The following KANK1 variants were observed in gnomAD, a reference collection of about 807,000 sequenced individuals.
KANK1 encodes the protein KN motif and ankyrin repeat domain-containing protein 1.
A neutral mutation model predicts 106.2 loss-of-function variants in KANK1; 109 were observed. The observed-to-expected ratio is 1.03, with a 90% CI of 0.88 to 1.20. The LOEUF (loss-of-function observed/expected upper bound fraction) is 1.20, where lower values mean the gene tolerates loss of function less well. KANK1 is among the 50% of genes most tolerant of loss of function. The pLI is 0.00. For synonymous variants in KANK1, 873 were observed against 652.2 expected (o/e 1.34, Z -5.16); for missense variants, 2,399 against 1,710.7 (o/e 1.40, Z -7.10).
chr9:668,841 T>C (rs1344151845), intron 1 of KANK1, among the ~76,000 whole-genome samples: 1 of 152,120 alleles, frequency 6.6e-6, no homozygotes, highest in East Asian at 1.9e-4. Flanking sequence ...CCTCAGATCA[T>C]CAGGCATTAG....
intron 2 of KANK1, among the ~76,000 whole-genome samples, chr9:679,436 A>G (rs1292361514): frequency 6.6e-6 from 1 of 152,050 alleles, no homozygotes. Flanking sequence ...TTTTTTTGAG[A>G]TGGAGTCTTG....
At chr9:530,336 T>C (rs2060000381) in intron 1 of KANK1, among the ~76,000 whole-genome samples, 1 of 152,220 alleles carries the variant, frequency 6.6e-6, no homozygotes, top group Non-Finnish European at 1.5e-5. Context: ...AGGGTTTCTT[T>C]TGGTACTTTT....
chr9:615,188 G>A lies in KANK1; in HGVS notation c.-83-61702G>A, dbSNP rs949207084. On this transcript the variant is annotated intron_variant, in intron 1 of 11. Coordinates refer to ENST00000382297, the MANE Select transcript of KANK1 (RefSeq NM_015158.5). ...GGCCTCAAGCAAGTCCTCCTGCATT[G>A]GCCTTCCAAAGTGCTGGGATTATAG... 2.6e-5 allele frequency among the ~76,000 whole-genome samples: 4 copies of A among 152,108 alleles called. No homozygotes were observed. The East Asian group carries it at 5.8e-4, about 22-fold the overall frequency.
At position 712,000 on chromosome 9, in the gene KANK1, A is replaced by T; in HGVS notation, c.1234A>T (p.Ile412Phe). The T allele has an allele frequency of 6.2e-7, 1 of 1,614,198 alleles. No homozygotes were observed. Among genetic ancestry groups the T allele is most frequent in the Non-Finnish European group, 8.5e-7 (1 of 1,180,026 alleles). Residue 412 changes from isoleucine (I) to phenylalanine (F), a missense_variant, in exon 3 of 12, where the codon ATC (isoleucine) becomes TTC (phenylalanine). Coordinates refer to ENST00000382297, the MANE Select transcript of KANK1 (RefSeq NM_015158.5). ...GGGTGCCGAGGAGAACATGAACGACATCGTCGTGTACCACAGAGGCTCCAG... is the reference window on the plus strand; with the variant it reads ...GGGTGCCGAGGAGAACATGAACGACTTCGTCGTGTACCACAGAGGCTCCAG... The part of the protein sequence containing the change: ...AVGAEENMND[I>F]VVYHRGSRSC...
chr9:733,401 T>C (rs1832840255), intron 6 of KANK1: 1 of 152,274 alleles, frequency 6.6e-6, no homozygotes, highest in Non-Finnish European at 1.5e-5. Context: ...GTGTTTCACA[T>C]GGCTTTTTAA....
intron 1 of KANK1, among the ~76,000 whole-genome samples, chr9:600,057 A>C (rs1228098461): frequency 6.6e-6 from 1 of 151,884 alleles, no homozygotes; most frequent in Non-Finnish European, 1.5e-5. Flanking sequence ...GTTAGGCATA[A>C]CACATAATTT....
At chr9:482,127 A>G (rs116255338) in intron 3 of KANK1, among the ~76,000 whole-genome samples, 2,241 of 152,274 alleles carry the variant, frequency 0.015, 46 homozygotes, top group African/African-American at 0.05. Flanking sequence ...ACCTGCAGTC[A>G]GAGCCCTTAG....
intron 2 of KANK1, among the ~76,000 whole-genome samples, chr9:704,571 C>A (rs544716762): frequency 6.6e-5 from 10 of 152,156 alleles, no homozygotes; most frequent in Non-Finnish European, 1.0e-4. Context: ...TAAAGAACAT[C>A]AAGCTGTCTT....
At chr9:523,536 A>T (rs1281949610) in intron 1 of KANK1, among the ~76,000 whole-genome samples, 1 of 151,674 alleles carries the variant, frequency 6.6e-6, no homozygotes, top group Admixed American at 6.6e-5. Context: ...CCTTGTTTCT[A>T]TGGGAGGAAA....
intron 1 of KANK1, among the ~76,000 whole-genome samples, chr9:575,593 C>T (rs1030442578): frequency 2.0e-5 from 3 of 151,902 alleles, no homozygotes; most frequent in Non-Finnish European, 4.4e-5. Flanking sequence ...ATTGCTTGAG[C>T]CTGGGAGGTT....
At chr9:584,784 G>A (rs980644619) in intron 1 of KANK1, among the ~76,000 whole-genome samples, 1 of 152,220 alleles carries the variant, frequency 6.6e-6, no homozygotes, top group Non-Finnish European at 1.5e-5. Context: ...GGACAGGTGA[G>A]GACCAAGGGA....
intron 3 of KANK1, among the ~76,000 whole-genome samples, chr9:474,272 G>C (rs2058068352): frequency 6.6e-6 from 1 of 152,204 alleles, no homozygotes; most frequent in African/African-American, 2.4e-5. Flanking sequence ...CCCTGGCTCA[G>C]AGGAAATGCT....
chr9:736,067 C>T (rs945827397), intron 7 of KANK1, among the ~76,000 whole-genome samples: 1 of 152,140 alleles, frequency 6.6e-6, no homozygotes, highest in Non-Finnish European at 1.5e-5. Flanking sequence ...GGGCCATTCT[C>T]CTGCCTCACC....
intron 5 of KANK1, chr9:731,522 A>AGC (rs555431998): frequency 4.3e-4 from 127 of 295,338 alleles, no homozygotes; most frequent in Middle Eastern, 1.0e-3. Context: ...TGAAAGAAAT[A>AGC]GTCTTCAGCG....
At chr9:733,847 TCA>T (rs1832964989) in intron 6 of KANK1, 1 of 152,120 alleles carries the variant, frequency 6.6e-6, no homozygotes, top group Non-Finnish European at 1.5e-5. Flanking sequence ...GCACAGTGGC[TCA>T]CACCCATAAT....
chr9:546,959 A>T (rs1433417219), intron 1 of KANK1, among the ~76,000 whole-genome samples: 2 of 152,192 alleles, frequency 1.3e-5, no homozygotes, highest in Non-Finnish European at 2.9e-5. Context: ...AATGGTTCTC[A>T]CCAGATAGGG....
At chr9:646,791 G>A (rs1249079355) in intron 1 of KANK1, among the ~76,000 whole-genome samples, 1 of 150,200 alleles carries the variant, frequency 6.7e-6, no homozygotes, top group Non-Finnish European at 1.5e-5. Flanking sequence ...CCGGGTTAAA[G>A]CAATTCTTGG....
chr9:742,394 C>G lies in KANK1; in HGVS notation c.3886C>G (p.Leu1296Val), dbSNP rs150176827. 57 of 1,612,958 alleles carry G rather than the reference C, an allele frequency of 3.5e-5. No individual in the cohort carries two copies. The highest frequency in any genetic ancestry group is 3.3e-4 in the Middle Eastern group (2 of 6,014). The change falls in exon 10 of 12, where the codon CTA (leucine) becomes GTA (valine). Residue 1296 changes from leucine to valine, a missense_variant. Physicochemically the swap from Leu to Val is conservative, Grantham distance 32. Transcript: ENST00000382297. The stretch of plus-strand genomic sequence containing the variant: ...GGCCCAGCCCGGCTGCAACGGTCAC[C>G]TAGAGGACAACGTAAGCTGTCTCCA... ...LLAQPGCNGH[L>V]EDNDGSTALS...
intron 1 of KANK1, among the ~76,000 whole-genome samples, chr9:672,131 T>G (rs950284402): frequency 6.6e-6 from 1 of 152,140 alleles, no homozygotes; most frequent in Non-Finnish European, 1.5e-5. Context: ...CTAAATCACA[T>G]AATCACAAGA....
Sources: gnomAD v4.1 joint callset for allele counts (sites outside exome capture counted in the v4.1 genomes callset) on GRCh38, gnomAD v4.1.1 for gene constraint, MANE v1.5 for transcripts, NCBI Gene and HGNC (gene_info 2026-07-23, HGNC 2026-07-21) for gene names.